GPHN: variants seen among roughly 807,000 people sequenced by gnomAD.
The protein encoded by GPHN is gephyrin.
Under a neutral mutation model 95.5 loss-of-function variants are expected in GPHN, and 17 were observed. The observed-to-expected ratio is 0.18, with a 90% CI of 0.12 to 0.27. GPHN has a LOEUF of 0.27. Among genes scored for constraint, GPHN ranks in the 10% least tolerant of loss-of-function variants. GPHN has a pLI of 1.00. For missense variants in GPHN, 660 were observed against 978.1 expected, an observed-to-expected ratio of 0.67 and a Z score of 4.34; for synonymous variants, 320 against 322.5, an observed-to-expected ratio of 0.99 and a Z score of 0.08.
chr14:67,120,665 G>A (rs1255946426), intron 16 of GPHN, among the ~76,000 whole-genome samples: 1 of 152,164 alleles, frequency 6.6e-6, no homozygotes, highest in Non-Finnish European at 1.5e-5. Flanking sequence ...AAAGCAACTA[G>A]TTTGATTAAT....
the GPHN span, among the ~76,000 whole-genome samples, chr14:67,552,622 C>T: frequency 2.0e-5 from 3 of 151,110 alleles, no homozygotes; most frequent in Admixed American, 2.0e-4. Context: ...AAAAAATTAG[C>T]TGGGCGTGGT....
chr14:67,128,675 G>C (rs1595278214), intron 17 of GPHN, among the ~76,000 whole-genome samples: 1 of 152,082 alleles, frequency 6.6e-6, no homozygotes, highest in African/African-American at 2.4e-5. Context: ...TGTGGCTCGT[G>C]CCTCTAATCC....
chr14:66,625,635 A>G (rs2063498677), intron 1 of GPHN, among the ~76,000 whole-genome samples: 1 of 152,036 alleles, frequency 6.6e-6, no homozygotes, highest in Non-Finnish European at 1.5e-5. Context: ...TCTTCCTCCA[A>G]TGCCTGTTTG....
intron 9 of GPHN, among the ~76,000 whole-genome samples, chr14:67,013,736 A>G (rs1271698765): frequency 6.6e-6 from 1 of 152,040 alleles, no homozygotes; most frequent in Non-Finnish European, 1.5e-5. Context: ...ATGATTTAGA[A>G]AGGAAAACAA....
intron 4 of GPHN, among the ~76,000 whole-genome samples, chr14:66,836,835 A>G (rs916174306): frequency 2.0e-5 from 3 of 152,088 alleles, no homozygotes; most frequent in Admixed American, 6.5e-5. Flanking sequence ...CAGAAAACAC[A>G]TGAAAAAATG....
chr14:67,139,336 G>A (rs1212095185), intron 17 of GPHN, among the ~76,000 whole-genome samples: 2 of 152,096 alleles, frequency 1.3e-5, no homozygotes, highest in African/African-American at 4.8e-5. Flanking sequence ...CGGGGCTCAA[G>A]CAATCCTCTC....
chr14:67,479,633 G>A, the GPHN span, among the ~76,000 whole-genome samples: 19 of 152,066 alleles, frequency 1.2e-4, no homozygotes, highest in Admixed American at 1.0e-3. Context: ...CAGGAGAATC[G>A]CTTGAACCTG....
intron 1 of GPHN, among the ~76,000 whole-genome samples, chr14:66,636,219 G>A (rs1384286209): frequency 6.6e-6 from 1 of 151,992 alleles, no homozygotes; most frequent in Non-Finnish European, 1.5e-5. Flanking sequence ...CATATAAACA[G>A]GTGACTGTTT....
At chr14:66,696,835 G>T (rs1006352442) in intron 2 of GPHN, among the ~76,000 whole-genome samples, 1 of 152,160 alleles carries the variant, frequency 6.6e-6, no homozygotes, top group African/African-American at 2.4e-5. Context: ...AAGATGCTAT[G>T]AATTTATTTT....
chr14:66,704,864 G>T (rs2068909443), intron 2 of GPHN, among the ~76,000 whole-genome samples: 1 of 151,974 alleles, frequency 6.6e-6, no homozygotes, highest in Non-Finnish European at 1.5e-5. Context: ...AAAAAAATCA[G>T]TTAATCCAGG....
chr14:67,085,567 AGAGCCATGCT>A (rs1366923509), intron 11 of GPHN, among the ~76,000 whole-genome samples: 2 of 152,232 alleles, frequency 1.3e-5, no homozygotes, highest in African/African-American at 4.8e-5. Context: ...AGGAAGAAAG[AGAGCCATGCT>A]GAGCCTGTTT....
chr14:66,639,036 G>T (rs1017071411), intron 1 of GPHN, among the ~76,000 whole-genome samples: 1 of 151,684 alleles, frequency 6.6e-6, no homozygotes, highest in Non-Finnish European at 1.5e-5. Flanking sequence ...TTGCTAAAAG[G>T]ATAGGTAACA....
At chr14:67,729,382 T>C in the GPHN span, 1 of 1,597,106 alleles carries the variant, frequency 6.3e-7, no homozygotes, top group Non-Finnish European at 8.5e-7. Context: ...GTACTTCAGG[T>C]GTGTGAAGGC....
intron 1 of GPHN, among the ~76,000 whole-genome samples, chr14:66,661,601 G>A (rs891339554): frequency 2.6e-5 from 4 of 151,846 alleles, no homozygotes; most frequent in Non-Finnish European, 5.9e-5. Context: ...GGGCAGAAGG[G>A]ATCCCCCAAC....
At chr14:66,615,363 G>A (rs373861373) in intron 1 of GPHN, among the ~76,000 whole-genome samples, 179 of 151,996 alleles carry the variant, frequency 1.2e-3, no homozygotes, top group African/African-American at 4.0e-3. Context: ...CCACAGCCTC[G>A]CCAGCATCTA....
chr14:67,229,729 TTAAA>T, the GPHN span, among the ~76,000 whole-genome samples: 1 of 152,228 alleles, frequency 6.6e-6, no homozygotes, highest in Non-Finnish European at 1.5e-5. Context: ...AATATATTGG[TTAAA>T]TAAAAATATT....
At chr14:66,817,137 A>G (rs969059027) in intron 3 of GPHN, among the ~76,000 whole-genome samples, 30 of 152,016 alleles carry the variant, frequency 2.0e-4, no homozygotes, top group Non-Finnish European at 3.2e-4. Flanking sequence ...TAATATACTG[A>G]TCTATTATTA....
At chr14:67,732,126 CA>C in the GPHN span, among the ~76,000 whole-genome samples, 11,093 of 77,066 alleles carry the variant, frequency 0.14, 446 homozygotes, top group East Asian at 0.38. Context: ...GACTCTGTCT[CA>C]AAAAAAAAAA....
the GPHN span, among the ~76,000 whole-genome samples, chr14:67,283,482 A>G: frequency 6.6e-6 from 1 of 152,186 alleles, no homozygotes; most frequent in Non-Finnish European, 1.5e-5. Flanking sequence ...ATGCCAGTAA[A>G]TCTTGAGTTT....
Sources: allele counts gnomAD v4.1 joint callset (sites outside exome capture counted in the v4.1 genomes callset), GRCh38; gene constraint gnomAD v4.1.1; transcripts MANE v1.5; gene names NCBI Gene and HGNC (gene_info 2026-07-23, HGNC 2026-07-21).